Variants in HTR1F observed in about 807,000 individuals in gnomAD.
HTR1F encodes the protein 5-hydroxytryptamine receptor 1F.
In HTR1F, 17 loss-of-function variants were observed where a neutral mutation model predicts 24.0. The ratio of observed to expected loss-of-function variants is 0.71; its 90% CI spans 0.48 to 1.06. The LOEUF is 1.06. HTR1F is among the 50% of genes least tolerant of loss of function. HTR1F has a pLI of 0.00. For missense variants in HTR1F, 391 were observed against 427.8 expected, an observed-to-expected ratio of 0.91 and a Z score of 0.76; for synonymous variants, 186 against 156.8, an observed-to-expected ratio of 1.19 and a Z score of -1.39.
chr3:87,944,914 C>A (rs1423752213), intron 2 of HTR1F, among the ~76,000 whole-genome samples: 1 of 152,184 alleles, frequency 6.6e-6, no homozygotes, highest in East Asian at 1.9e-4. Context: ...TTTACATTGA[C>A]AACAAGGTAG....
chr3:87,893,842 T>A (rs1326832533), intron 2 of HTR1F, among the ~76,000 whole-genome samples: 1 of 152,214 alleles, frequency 6.6e-6, no homozygotes, highest in Non-Finnish European at 1.5e-5. Context: ...TAATGCTACA[T>A]AAGTAAAGGT....
rs1468802968 is a variant in HTR1F at position 87,807,510 on chromosome 3, A to T, written c.-159-14498A>T. On this transcript the variant is annotated intron_variant, in intron 1 of 2. Coordinates refer to ENST00000319595, the MANE Select transcript of HTR1F (RefSeq NM_001322209.2). ...CAACTTCATTGAATTTATCAGGTCTAAGAGTTTTTTGGTTGAATCTTTAGT... is the reference window on the plus strand; with the variant it reads ...CAACTTCATTGAATTTATCAGGTCTTAGAGTTTTTTGGTTGAATCTTTAGT... Among the ~76,000 whole-genome samples, 5 of 152,054 alleles carry T rather than the reference A, an allele frequency of 3.3e-5. No individual in the cohort carries two copies. The East Asian group carries it at 5.8e-4, about 18-fold the overall frequency.
chr3:87,882,966 T>C (rs1318707549), intron 2 of HTR1F, among the ~76,000 whole-genome samples: 1 of 152,138 alleles, frequency 6.6e-6, no homozygotes, highest in Non-Finnish European at 1.5e-5. Context: ...CAGGATGGCG[T>C]TGGAGCTCTG....
At chr3:87,931,294 C>T (rs1004559125) in intron 2 of HTR1F, among the ~76,000 whole-genome samples, 10 of 151,638 alleles carry the variant, frequency 6.6e-5, no homozygotes, top group East Asian at 3.9e-4. Flanking sequence ...TGAGAACATG[C>T]GGTGTTTGGT....
intron 2 of HTR1F, among the ~76,000 whole-genome samples, chr3:87,842,062 C>A (rs569721236): frequency 6.6e-6 from 1 of 151,882 alleles, no homozygotes; most frequent in East Asian, 1.9e-4. Flanking sequence ...AAAAGAATTT[C>A]TTCATTCCCA....
intron 2 of HTR1F, among the ~76,000 whole-genome samples, chr3:87,978,740 C>CTGAT (rs150249315): frequency 0.052 from 7,867 of 150,940 alleles, 713 homozygotes; most frequent in African/African-American, 0.18. Context: ...GAAGTGAGTG[C>CTGAT]TGATTGGTTT....
At chr3:87,908,103 T>G (rs1236621171) in intron 2 of HTR1F, among the ~76,000 whole-genome samples, 2 of 151,984 alleles carry the variant, frequency 1.3e-5, no homozygotes, top group African/African-American at 2.4e-5. Flanking sequence ...ATATAGAACA[T>G]AAAAGTATAA....
At chr3:87,985,167 C>A (rs1236939967) in intron 2 of HTR1F, among the ~76,000 whole-genome samples, 1 of 152,062 alleles carries the variant, frequency 6.6e-6, no homozygotes, top group Non-Finnish European at 1.5e-5. Flanking sequence ...GAAACCCCCT[C>A]TCTACTAAAA....
At position 87,859,306 on chromosome 3, in the gene HTR1F, A is replaced by G. The variant is rs527637280; in HGVS notation, c.-43+37182A>G. 2.0e-5 allele frequency among the ~76,000 whole-genome samples: 3 copies of G among 152,296 alleles called. No individual in the cohort carries two copies. In the South Asian group the frequency reaches 6.2e-4, roughly 32 times the overall value. ...GTCTCAAGTAACAGTCACTCAGTCT[A>G]AAAAAATACTTCATACTACTAAATT... is the stretch of plus-strand genomic sequence containing the variant. On this transcript the variant is annotated intron_variant, in intron 2 of 2. Coordinates refer to ENST00000319595, the MANE Select transcript of HTR1F (RefSeq NM_001322209.2).
At chr3:87,945,749 G>A (rs1449060134) in intron 2 of HTR1F, among the ~76,000 whole-genome samples, 1 of 152,148 alleles carries the variant, frequency 6.6e-6, no homozygotes, top group Non-Finnish European at 1.5e-5. Flanking sequence ...GCTGAAGGGT[G>A]CCCGATATTT....
chr3:87,938,650 C>T (rs1484343394), intron 2 of HTR1F, among the ~76,000 whole-genome samples: 2 of 152,094 alleles, frequency 1.3e-5, no homozygotes, highest in Non-Finnish European at 2.9e-5. Flanking sequence ...CTAAGACCAT[C>T]TAATATTTAA....
At chr3:87,821,477 A>G (rs1322198023) in intron 1 of HTR1F, among the ~76,000 whole-genome samples, 1 of 152,122 alleles carries the variant, frequency 6.6e-6, no homozygotes, top group African/African-American at 2.4e-5. Flanking sequence ...CCATTAGCTT[A>G]TTTTATATTA....
chr3:87,886,447 C>T (rs958027467), intron 2 of HTR1F, among the ~76,000 whole-genome samples: 1 of 152,178 alleles, frequency 6.6e-6, no homozygotes, highest in East Asian at 1.9e-4. Flanking sequence ...GAGATGCCCT[C>T]TCTCACCACT....
intron 2 of HTR1F, among the ~76,000 whole-genome samples, chr3:87,932,630 A>G (rs1318390529): frequency 1.3e-5 from 2 of 152,086 alleles, no homozygotes; most frequent in Non-Finnish European, 2.9e-5. Context: ...CTCAACACAT[A>G]CACTCTCCCA....
rs113513028 is a variant in HTR1F, at chr3:87,902,263, C to T, written c.-43+80139C>T. Among the ~76,000 whole-genome samples the T allele has an allele frequency of 6.4e-3, 969 of 152,164 alleles. 9 individuals carry two copies. The highest frequency in any genetic ancestry group is 0.042 in the South Asian group (204 of 4,816). On this transcript the variant is annotated intron_variant, in intron 2 of 2. Coordinates refer to ENST00000319595, the MANE Select transcript of HTR1F (RefSeq NM_001322209.2). ...AACAGAGACCCTAAAAAGATACTCA[C>T]GCAGAAATAATCACCTGATTTATAA... is the stretch of plus-strand genomic sequence containing the variant.
chr3:87,978,235 G>A (rs1705441928), intron 2 of HTR1F, among the ~76,000 whole-genome samples: 1 of 152,228 alleles, frequency 6.6e-6, no homozygotes, highest in Non-Finnish European at 1.5e-5. Flanking sequence ...AGACCCCAAA[G>A]AGGGTGTCAT....
chr3:87,890,905 G>T (rs775257306), intron 2 of HTR1F, among the ~76,000 whole-genome samples: 1 of 148,930 alleles, frequency 6.7e-6, no homozygotes, highest in African/African-American at 2.5e-5. Context: ...GCAATGGCAC[G>T]ATCTCGGCTC....
At chr3:87,803,421 T>C (rs139743484) in intron 1 of HTR1F, among the ~76,000 whole-genome samples, 2 of 152,212 alleles carry the variant, frequency 1.3e-5, no homozygotes, top group East Asian at 3.9e-4. Flanking sequence ...TTGAACATCA[T>C]TGCTATCCTC....
intron 2 of HTR1F, among the ~76,000 whole-genome samples, chr3:87,853,201 G>T (rs983593296): frequency 2.7e-5 from 4 of 149,356 alleles, no homozygotes; most frequent in Non-Finnish European, 5.9e-5. Context: ...TATTTTTCCA[G>T]ATCCTCTCCC....
Sources: allele counts gnomAD v4.1 joint callset (sites outside exome capture counted in the v4.1 genomes callset), GRCh38; gene constraint gnomAD v4.1.1; transcripts MANE v1.5; gene names NCBI Gene and HGNC (gene_info 2026-07-23, HGNC 2026-07-21).